NAA60: variants seen among roughly 807,000 people sequenced by gnomAD.
NAA60 encodes the protein N-alpha-acetyltransferase 60, NatF catalytic subunit, also known as N-alpha-acetyltransferase 60.
NAA60 carries 8 observed loss-of-function variants against 26.1 expected under a neutral mutation model. That is an observed-to-expected ratio of 0.31 (90% CI 0.18 to 0.55). NAA60 has a LOEUF of 0.55. Ranked by LOEUF, NAA60 falls within the 20% of genes least tolerant of loss-of-function variation. The pLI is 0.93. For synonymous variants in NAA60, 131 were observed against 122.5 expected (o/e 1.07, Z -0.46); for missense variants, 290 against 311.3 (o/e 0.93, Z 0.51).
chr16:3,475,535 CAGG>C (rs1402389951), intron 2 of NAA60, among the ~76,000 whole-genome samples: 2 of 152,202 alleles, frequency 1.3e-5, no homozygotes, highest in African/African-American at 4.8e-5. Flanking sequence ...TTAAATAAAA[CAGG>C]GGGGCTGCTC....
At chr16:3,475,831 T>C (rs1285751376) in intron 2 of NAA60, among the ~76,000 whole-genome samples, 1 of 152,232 alleles carries the variant, frequency 6.6e-6, no homozygotes, top group African/African-American at 2.4e-5. Flanking sequence ...CCCACAACTG[T>C]CACTGGCAGC....
At position 3,483,577 on chromosome 16, in the gene NAA60, C is replaced by T. The variant is rs1137454; in HGVS notation, c.552C>T (p.Gly184=). The T allele has an allele frequency of 8.1e-6, 13 of 1,611,526 alleles. No individual in the cohort carries two copies. The highest frequency in any genetic ancestry group is 1.1e-5 in the South Asian group (1 of 90,804). Residue 184 remains glycine (G), a synonymous_variant, in exon 6 of 8, where the codon GGC becomes GGT. Coordinates refer to ENST00000407558, the MANE Select transcript of NAA60 (RefSeq NM_001083601.3). Reference sequence around the variant, plus strand: ...CCTATGTCCTCTACATCAACGGCGGCCACCCTCCCTGGACGATTTTATATC... The same window carrying T: ...CCTATGTCCTCTACATCAACGGCGGTCACCCTCCCTGGACGATTTTATATC... ...GFTYVLYING[G]HPPWTILDYI... is the part of the protein sequence containing the mutation.
At chr16:3,455,304 C>T (rs2034934273) in intron 2 of NAA60, among the ~76,000 whole-genome samples, 1 of 151,918 alleles carries the variant, frequency 6.6e-6, no homozygotes, top group Non-Finnish European at 1.5e-5. Flanking sequence ...CTCTTGACCT[C>T]AAGTGATCCA....
chr16:3,461,377 A>G (rs1489931679), intron 2 of NAA60, among the ~76,000 whole-genome samples: 1 of 152,148 alleles, frequency 6.6e-6, no homozygotes. Flanking sequence ...GAGAGGTGCC[A>G]GTCACCCCAA....
intron 2 of NAA60, among the ~76,000 whole-genome samples, chr16:3,462,100 A>C (rs1262541372): frequency 1.3e-5 from 2 of 151,668 alleles, no homozygotes; most frequent in Admixed American, 6.6e-5. Flanking sequence ...AAAAAAAAAA[A>C]AAAAACCTTT....
chr16:3,483,227 G>A (rs1348976124), intron 5 of NAA60, 136 bp from the exon 6 acceptor site: 4 of 702,672 alleles, frequency 5.7e-6, no homozygotes, highest in Non-Finnish European at 7.4e-6. Flanking sequence ...TTTGACAGTG[G>A]TGGTGAAGAA....
intron 2 of NAA60, among the ~76,000 whole-genome samples, chr16:3,471,427 CG>C (rs2036135883): frequency 6.6e-6 from 1 of 152,058 alleles, no homozygotes; most frequent in African/African-American, 2.4e-5. Context: ...GGCGTGAACC[CG>C]GGAGGCGGAG....
chr16:3,468,261 G>C (rs2035892025), intron 2 of NAA60: 1 of 152,206 alleles, frequency 6.6e-6, no homozygotes, highest in Non-Finnish European at 1.5e-5. Flanking sequence ...TTCAGTTCTT[G>C]ATCTGCTTGG....
intron 2 of NAA60, among the ~76,000 whole-genome samples, chr16:3,473,287 G>A (rs980303087): frequency 5.3e-5 from 8 of 152,166 alleles, no homozygotes; most frequent in African/African-American, 1.7e-4. Context: ...AATTTATAAA[G>A]GAACCAGGTT....
At chr16:3,457,827 C>G (rs1483998327) in intron 2 of NAA60, among the ~76,000 whole-genome samples, 1 of 152,204 alleles carries the variant, frequency 6.6e-6, no homozygotes, top group Non-Finnish European at 1.5e-5. Flanking sequence ...GGCGACCTCC[C>G]GGAGCGAGGG....
At chr16:3,461,797 A>T (rs549816173) in intron 2 of NAA60, among the ~76,000 whole-genome samples, 2 of 152,304 alleles carry the variant, frequency 1.3e-5, no homozygotes, top group African/African-American at 4.8e-5. Context: ...CGTGTTTGAC[A>T]AACCATGTTA....
Position 3,485,016 on chromosome 16 carries a change from G to A in NAA60, c.*161G>A, listed in dbSNP as rs539309525. On this transcript the variant is annotated 3_prime_UTR_variant, in exon 7 of 8. Coordinates refer to ENST00000407558, the MANE Select transcript of NAA60 (RefSeq NM_001083601.3). ...CAGGCCCGGTGCTACACGGGCTCGG[G>A]AACAGAACATCGTGGGCATGCGCAG... The A allele has an allele frequency of 5.3e-6, 8 of 1,522,430 alleles. No homozygotes were observed. The South Asian group carries it at 8.4e-5, about 16-fold the overall frequency. The allele number at this position is 1,522,430 out of a possible 1,614,324, so 94.3% of individuals were successfully genotyped here. A position where few individuals can be genotyped will look rare whatever the true frequency, so the allele number is the denominator to read the frequency against.
chr16:3,467,121 A>G (rs936577213), intron 2 of NAA60, among the ~76,000 whole-genome samples: 8 of 152,080 alleles, frequency 5.3e-5, no homozygotes, highest in African/African-American at 1.9e-4. Flanking sequence ...GAGCTGGACC[A>G]GGGGTTGGGG....
intron 4 of NAA60, among the ~76,000 whole-genome samples, chr16:3,481,675 G>A (rs1164081748): frequency 1.3e-5 from 2 of 152,194 alleles, no homozygotes; most frequent in African/African-American, 4.8e-5. Context: ...TTCAAGGTCA[G>A]GGCAAAGTAG....
intron 2 of NAA60, chr16:3,449,928 G>C (rs1158753505): frequency 1.3e-5 from 5 of 395,670 alleles, no homozygotes; most frequent in African/African-American, 2.1e-5. Context: ...GGCCTCCCCA[G>C]CCACGTGGAA....
chr16:3,469,726 C>A (rs2036005955), intron 2 of NAA60, among the ~76,000 whole-genome samples: 1 of 152,262 alleles, frequency 6.6e-6, no homozygotes, highest in Admixed American at 6.5e-5. Context: ...ACTCTTGTCC[C>A]TGTGTCCTCC....
At chr16:3,463,077 T>A (rs1345200795) in intron 2 of NAA60, among the ~76,000 whole-genome samples, 1 of 152,116 alleles carries the variant, frequency 6.6e-6, no homozygotes, top group African/African-American at 2.4e-5. Context: ...TTTAGAACAT[T>A]TATTTCCGGG....
chr16:3,485,172 G>A, intron 7 of NAA60, 111 bp downstream of exon 7: 4 of 742,316 alleles, frequency 5.4e-6, no homozygotes, highest in Non-Finnish European at 4.7e-6. Context: ...CGTGGGGACT[G>A]CAGAGTCCAC....
intron 2 of NAA60, among the ~76,000 whole-genome samples, chr16:3,464,558 T>C (rs1255675920): frequency 6.6e-6 from 1 of 152,206 alleles, no homozygotes; most frequent in Non-Finnish European, 1.5e-5. Context: ...TACAGAGGGT[T>C]TCCTGTAGCC....
Sources: allele counts gnomAD v4.1 joint callset (sites outside exome capture counted in the v4.1 genomes callset), GRCh38; gene constraint gnomAD v4.1.1; transcripts MANE v1.5; gene names NCBI Gene and HGNC (gene_info 2026-07-23, HGNC 2026-07-21).